Variants in SPDYE18 observed in about 807,000 individuals in gnomAD.
SPDYE18 encodes the protein speedy protein E18.
In SPDYE18, 6 loss-of-function variants were observed where a neutral mutation model predicts 44.9. That is an observed-to-expected ratio of 0.13 (90% CI 0.07 to 0.26). The LOEUF is 0.26. Ranked by LOEUF, SPDYE18 falls within the 10% of genes least tolerant of loss-of-function variation. The probability of loss-of-function intolerance (pLI) is 1.00; values close to 1 mark genes in which losing one functional copy is unlikely to be tolerated. For missense variants in SPDYE18, 121 were observed against 463.2 expected, an observed-to-expected ratio of 0.26 and a Z score of 6.78; for synonymous variants, 35 against 177.1, an observed-to-expected ratio of 0.20 and a Z score of 6.37.
chr7:77,050,418 T>A lies in SPDYE18; in HGVS notation c.*1507A>T, dbSNP rs991049057. Among the ~76,000 whole-genome samples, 1 of 152,308 alleles carries A rather than the reference T, an allele frequency of 6.6e-6. No individual in the cohort carries two copies. The highest frequency in any genetic ancestry group is 2.4e-5 in the African/African-American group (1 of 41,572). ...ACAGTTGCTGTGAAGGTGAGAAAAG[T>A]TCATTTTTATTATGTTTCCACAAGA... On this transcript the variant is annotated 3_prime_UTR_variant, in exon 9 of 9. Transcript: ENST00000510091.
rs1789768805 is a variant in SPDYE18, at chr7:77,050,538, G to A, written c.*1387C>T. Among the ~76,000 whole-genome samples, 1 of 152,030 alleles carries A rather than the reference G, an allele frequency of 6.6e-6. No individual in the cohort carries two copies. The highest frequency in any genetic ancestry group is 2.1e-4 in the South Asian group (1 of 4,818). On this transcript the variant is annotated 3_prime_UTR_variant, in exon 9 of 9. Coordinates refer to ENST00000510091, the MANE Select transcript of SPDYE18 (RefSeq NM_001394953.1). The stretch of plus-strand genomic sequence containing the variant: ...GTAACATACAAAGATGCCAAAACAA[G>A]GTAAAAAATTACATCTGAATTCTCA...
chr7:77,061,989 CATG>C (rs1259817302), intron 1 of SPDYE18, among the ~76,000 whole-genome samples: 2 of 100,548 alleles, frequency 2.0e-5, no homozygotes, highest in Non-Finnish European at 3.8e-5. Context: ...ATTAGCCAGG[CATG>C]GTGGTGGATG....
intron 4 of SPDYE18, among the ~76,000 whole-genome samples, chr7:77,057,370 G>T (rs1370227343): frequency 6.6e-6 from 1 of 152,012 alleles, no homozygotes; most frequent in African/African-American, 2.4e-5. Flanking sequence ...TCTTGCCTCA[G>T]CCTCCCAACG....
In SPDYE18 at chr7:77,053,083, G is replaced by C. The variant is rs1454062660; in HGVS notation, c.876C>G (p.Cys292Trp). The C allele has an allele frequency of 3.1e-6, 5 of 1,614,128 alleles. No homozygotes were observed. The Admixed American group carries it at 8.3e-5, about 27-fold the overall frequency. ...PLVRNRRFQLCRCLNPRARKN... is the reference protein window; with the variant it reads ...PLVRNRRFQLWRCLNPRARKN... ...TCCTGGCCCTCGGGTTCAAGCAACG[G>C]CATAACTGGAACCGACGGTTACGGA... Residue 292 changes from cysteine (C) to tryptophan (W), a missense_variant, in exon 7 of 9, where the codon TGC becomes TGG. Cys to Trp is a radical substitution (Grantham distance 215). Transcript: ENST00000510091.
chr7:77,058,116 C>CTTTTTTTTTTT (rs375559743), intron 3 of SPDYE18, among the ~76,000 whole-genome samples: 5 of 62,224 alleles, frequency 8.0e-5, no homozygotes, highest in African/African-American at 1.6e-4. Flanking sequence ...CTCTGAGTCT[C>CTTTTTTTTTTT]TTTTTTTTTT....
intron 8 of SPDYE18, among the ~76,000 whole-genome samples, chr7:77,052,473 C>T (rs1789821851): frequency 6.6e-6 from 1 of 152,066 alleles, no homozygotes; most frequent in South Asian, 2.1e-4. Context: ...CTCACTCTGT[C>T]GCCCAGACTG....
chr7:77,051,226 T>G lies in SPDYE18; in HGVS notation c.*699A>C, dbSNP rs1470682305. ...GCACATATAATAATACAGAAACAAA[T>G]TTAAAGATAATAAAATATTTAGGAT... On this transcript the variant is annotated 3_prime_UTR_variant, in exon 9 of 9. Transcript: ENST00000510091. Among the ~76,000 whole-genome samples the G allele has an allele frequency of 6.6e-6, 1 of 152,160 alleles. No homozygotes were observed. Among genetic ancestry groups the G allele is most frequent in the South Asian group, 2.1e-4 (1 of 4,838 alleles).
In SPDYE18 at chr7:77,051,497, C is replaced by T. The variant is rs1163411520; in HGVS notation, c.*428G>A. ...GATATTTCACAAAAGAATTCTGTGC[C>T]AATCTGAGCCCCTGCATTGTGCCTT... On this transcript the variant is annotated 3_prime_UTR_variant, in exon 9 of 9. Coordinates refer to ENST00000510091, the MANE Select transcript of SPDYE18 (RefSeq NM_001394953.1). Among the ~76,000 whole-genome samples, 2 of 152,286 alleles carry T rather than the reference C, an allele frequency of 1.3e-5. No homozygotes were observed. Among genetic ancestry groups the T allele is most frequent in the African/African-American group, 2.4e-5 (1 of 41,488 alleles).
intron 4 of SPDYE18, among the ~76,000 whole-genome samples, chr7:77,057,195 A>G (rs201315948): frequency 0.14 from 21,165 of 150,836 alleles, 381 homozygotes; most frequent in East Asian, 0.29. Flanking sequence ...GGTTTAAGCG[A>G]TTCTCCTGTC....
At position 77,053,085 on chromosome 7, in the gene SPDYE18, A is replaced by C. The variant is rs1173810310; in HGVS notation, c.874T>G (p.Cys292Gly). 1 of 1,614,134 alleles carries C rather than the reference A, an allele frequency of 6.2e-7. No individual in the cohort carries two copies. Among genetic ancestry groups the C allele is most frequent in the Admixed American group, 1.7e-5 (1 of 60,016 alleles). The change falls in exon 7 of 9, where the codon TGC (cysteine) becomes GGC (glycine). Residue 292 changes from cysteine to glycine, a missense_variant. By Grantham distance (159) the Cys-to-Gly change is radical (BLOSUM62 -3). Transcript: ENST00000510091. ...CTGGCCCTCGGGTTCAAGCAACGGCATAACTGGAACCGACGGTTACGGACC... is the reference window on the plus strand; with the variant it reads ...CTGGCCCTCGGGTTCAAGCAACGGCCTAACTGGAACCGACGGTTACGGACC... ...PLVRNRRFQL[C>G]RCLNPRARKN...
At chr7:77,053,724 A>G (rs1382560546) in intron 6 of SPDYE18, among the ~76,000 whole-genome samples, 2 of 152,068 alleles carry the variant, frequency 1.3e-5, no homozygotes, top group African/African-American at 4.8e-5. Flanking sequence ...CGTTAGGCCT[A>G]GCTACTCAGG....
chr7:77,056,084 CA>C (rs1168594124), intron 5 of SPDYE18, among the ~76,000 whole-genome samples: 43 of 98,160 alleles, frequency 4.4e-4, no homozygotes, highest in African/African-American at 6.1e-4. Context: ...CTCTGTCTCA[CA>C]AAAAAAAAAT....
chr7:77,056,893 G>A (rs1459492222), intron 4 of SPDYE18, among the ~76,000 whole-genome samples: 581 of 150,756 alleles, frequency 3.9e-3, no homozygotes, highest in African/African-American at 0.014. Context: ...AGGGACCACT[G>A]CAGAGTCATA....
In SPDYE18 at chr7:77,051,135, C is replaced by T. The variant is rs1284201177; in HGVS notation, c.*790G>A. Reference sequence around the variant, plus strand: ...ATGTTTTTTTCTGGTGGGGAACTACCAATAGCTATAAATAGAAGAGATTTT... The same window carrying T: ...ATGTTTTTTTCTGGTGGGGAACTACTAATAGCTATAAATAGAAGAGATTTT... On this transcript the variant is annotated 3_prime_UTR_variant, in exon 9 of 9. Transcript: ENST00000510091. Among the ~76,000 whole-genome samples the T allele has an allele frequency of 1.3e-5, 2 of 151,916 alleles. No individual in the cohort carries two copies.
intron 6 of SPDYE18, among the ~76,000 whole-genome samples, chr7:77,053,619 C>T (rs1266154680): frequency 3.9e-5 from 6 of 152,276 alleles, no homozygotes; most frequent in Non-Finnish European, 7.3e-5. Context: ...GCAGGTGGAT[C>T]GCTTGAGACC....
chr7:77,058,587 A>T (rs1360668352), intron 3 of SPDYE18, among the ~76,000 whole-genome samples: 46 of 143,058 alleles, frequency 3.2e-4, no homozygotes, highest in Admixed American at 1.1e-3. Flanking sequence ...GCTCAAAGCA[A>T]CCTCTTCCAC....
At chr7:77,053,227 G>A in intron 6 of SPDYE18, 24 bp from the exon 7 acceptor site, 1 of 1,612,026 alleles carries the variant, frequency 6.2e-7, no homozygotes, top group African/African-American at 1.3e-5. Context: ...TCAGGTTGGT[G>A]CTCAGGGGCA....
In SPDYE18 at chr7:77,051,708, C is replaced by G. The variant is rs573545020; in HGVS notation, c.*217G>C. ...TAGAAGGACCCCACCCCCCTCCCCC[C>G]ACCCCTGCTCCCAGGAGGACAACGT... On this transcript the variant is annotated 3_prime_UTR_variant, in exon 9 of 9. Coordinates refer to ENST00000510091, the MANE Select transcript of SPDYE18 (RefSeq NM_001394953.1). 5.2e-5 allele frequency among the ~76,000 whole-genome samples: 7 copies of G among 135,106 alleles called. No individual in the cohort carries two copies. The highest frequency in any genetic ancestry group is 2.6e-4 in the South Asian group (1 of 3,896). The allele number at this position is 135,106 out of a possible 152,430, so 88.6% of individuals were successfully genotyped here. A position where few individuals can be genotyped will look rare whatever the true frequency, so the allele number is the denominator to read the frequency against.
chr7:77,060,223 C>T, intron 2 of SPDYE18, 130 bp downstream of exon 2: 1 of 1,469,584 alleles, frequency 6.8e-7, no homozygotes, highest in Non-Finnish European at 9.0e-7. Flanking sequence ...CCTTGAACTC[C>T]TGACCTCAGG....
Sources: allele counts gnomAD v4.1 joint callset (sites outside exome capture counted in the v4.1 genomes callset), GRCh38; gene constraint gnomAD v4.1.1; transcripts MANE v1.5; gene names NCBI Gene and HGNC (gene_info 2026-07-23, HGNC 2026-07-21).